Variants in PRMT8 observed in about 807,000 individuals in gnomAD.
PRMT8 encodes protein arginine N-methyltransferase 8.
In PRMT8, 7 loss-of-function variants were observed where a neutral mutation model predicts 47.1. The observed-to-expected ratio is 0.15, with a 90% CI of 0.08 to 0.28. PRMT8 has a LOEUF of 0.28. Ranked by LOEUF, PRMT8 falls within the 10% of genes least tolerant of loss-of-function variation. The pLI is 1.00. For missense variants in PRMT8, 237 were observed against 505.4 expected, an observed-to-expected ratio of 0.47 and a Z score of 5.09; for synonymous variants, 188 against 186.5, an observed-to-expected ratio of 1.01 and a Z score of -0.07.
intron 1 of PRMT8, among the ~76,000 whole-genome samples, chr12:3,398,496 C>G (rs1018985419): frequency 6.6e-6 from 1 of 152,202 alleles, no homozygotes; most frequent in African/African-American, 2.4e-5. Context: ...TTCACAGAAG[C>G]CTTTGGGGAT....
chr12:3,441,542 T>C (rs1466310328), intron 1 of PRMT8, among the ~76,000 whole-genome samples: 4 of 152,116 alleles, frequency 2.6e-5, no homozygotes, highest in Admixed American at 1.3e-4. Context: ...ACCCTGTGTC[T>C]CCCCAGTGCC....
chr12:3,587,036 T>A (rs1005317038), intron 8 of PRMT8, among the ~76,000 whole-genome samples: 2 of 152,196 alleles, frequency 1.3e-5, no homozygotes, highest in Non-Finnish European at 2.9e-5. Context: ...AGACCATCTA[T>A]ATTCTGACAA....
intron 1 of PRMT8, among the ~76,000 whole-genome samples, chr12:3,468,203 C>T (rs532284009): frequency 2.6e-5 from 4 of 152,116 alleles, no homozygotes; most frequent in East Asian, 3.8e-4. Context: ...GGCTGGATAT[C>T]GTGCGTAAGC....
At chr12:3,454,636 G>C (rs1243088460) in intron 1 of PRMT8, among the ~76,000 whole-genome samples, 4 of 152,080 alleles carry the variant, frequency 2.6e-5, no homozygotes. Context: ...AGCACTCCCA[G>C]TGAAACCACC....
At position 3,540,340 on chromosome 12, in the gene PRMT8, T is replaced by G. The variant is rs957731499; in HGVS notation, c.76-266T>G. Among the ~76,000 whole-genome samples the G allele has an allele frequency of 3.9e-5, 6 of 152,324 alleles. No individual in the cohort carries two copies. In the East Asian group the frequency reaches 1.2e-3, roughly 29 times the overall value. On this transcript the variant is annotated intron_variant, in intron 1 of 9. Coordinates refer to ENST00000382622, the MANE Select transcript of PRMT8 (RefSeq NM_019854.5). ...CAGATACAGAAACTGAGGCCTGCAT[T>G]GCTCAGGTCACCTAGCTAATAAGAG...
In PRMT8 at chr12:3,556,635, G is replaced by A. The variant is rs139437969; in HGVS notation, c.481+2921G>A. ...GATGGAATAGAAAAATGGAACAGTA[G>A]CTGTAAAGGAAGGTGGCATTAAGGG... On this transcript the variant is annotated intron_variant, in intron 4 of 9. Transcript: ENST00000382622. Among the ~76,000 whole-genome samples the A allele has an allele frequency of 2.0e-3, 312 of 152,216 alleles. 2 individuals are homozygous for A. Among genetic ancestry groups the A allele is most frequent in the African/African-American group, 7.1e-3 (296 of 41,518 alleles).
Position 3,570,258 on chromosome 12 carries a change from G to A in PRMT8, c.712+694G>A, listed in dbSNP as rs1866821719. ...GCAATGTTTTACCTGGTCTGAAAAG[G>A]GCTGTTATCCTATTTCTCGTAAAGG... On this transcript the variant is annotated intron_variant, in intron 6 of 9. Transcript: ENST00000382622. The surrounding 1 kb of genome is among the most constrained non-coding windows in gnomAD (Gnocchi z 5.5). 1.3e-5 allele frequency among the ~76,000 whole-genome samples: 2 copies of A among 152,102 alleles called. No homozygotes were observed. The highest frequency in any genetic ancestry group is 2.1e-4 in the South Asian group (1 of 4,824).
chr12:3,494,305 CCT>C (rs1193086744), intron 1 of PRMT8, among the ~76,000 whole-genome samples: 9 of 152,190 alleles, frequency 5.9e-5, no homozygotes, highest in Non-Finnish European at 8.8e-5. Context: ...GCCACCTTTT[CCT>C]GCTTTTTGTT....
chr12:3,521,159 T>G (rs1315415078), intron 1 of PRMT8, among the ~76,000 whole-genome samples: 1 of 152,262 alleles, frequency 6.6e-6, no homozygotes, highest in Non-Finnish European at 1.5e-5. Context: ...GGATGGGACA[T>G]GGGTGCTCCC....
intron 1 of PRMT8, among the ~76,000 whole-genome samples, chr12:3,397,675 C>T (rs1271274862): frequency 6.6e-6 from 1 of 152,028 alleles, no homozygotes; most frequent in East Asian, 1.9e-4. Flanking sequence ...TTTGTCTGTG[C>T]CCTGCCCCCA....
chr12:3,411,742 G>A (rs1864432995), intron 1 of PRMT8, among the ~76,000 whole-genome samples: 1 of 152,172 alleles, frequency 6.6e-6, no homozygotes. Context: ...CTTAATAAGA[G>A]GAGAAAGAGA....
Position 3,583,228 on chromosome 12 carries a change from C to T in PRMT8, c.979+20C>T, listed in dbSNP as rs747332294. 3 of 1,597,998 alleles carry T rather than the reference C, an allele frequency of 1.9e-6. No homozygotes were observed. The Admixed American group carries it at 5.2e-5, about 28-fold the overall frequency. On this transcript the variant is annotated intron_variant, in intron 8 of 9. Coordinates refer to ENST00000382622, the MANE Select transcript of PRMT8 (RefSeq NM_019854.5). This position sits in a 1 kb window ranked among gnomAD's most constrained non-coding sequence, Gnocchi z 4.7. ...CCACAGGTGAGCTGTTTGTTGCTTC[C>T]CAGAGCCTCCTCCCTCTCCCATGCT...
intron 1 of PRMT8, among the ~76,000 whole-genome samples, chr12:3,512,929 G>A (rs1865735153): frequency 6.6e-6 from 1 of 152,212 alleles, no homozygotes; most frequent in African/African-American, 2.4e-5. Context: ...TGAGCTGCTT[G>A]TGAATGAACC....
chr12:3,584,801 T>TG lies in PRMT8; in HGVS notation c.979+1594dup, dbSNP rs1441844522. On this transcript the variant is annotated intron_variant, in intron 8 of 9. Coordinates refer to ENST00000382622, the MANE Select transcript of PRMT8 (RefSeq NM_019854.5). ...AAGTTGTAAAAATAGTACACAGAGTTGTGTGAACCCTTTGCCCAGCTGCCC... is the reference window on the plus strand; with the variant it reads ...AAGTTGTAAAAATAGTACACAGAGTTGGTGTGAACCCTTTGCCCAGCTGCCC... Among the ~76,000 whole-genome samples the TG allele has an allele frequency of 1.5e-4, 23 of 152,336 alleles. No individual in the cohort carries two copies. The East Asian group carries it at 3.9e-3, about 26-fold the overall frequency.
intron 1 of PRMT8, among the ~76,000 whole-genome samples, chr12:3,390,664 A>G (rs1864184635): frequency 6.6e-6 from 1 of 152,198 alleles, no homozygotes; most frequent in East Asian, 1.9e-4. Flanking sequence ...TGACTGAATC[A>G]AGCAGTGTGA....
chr12:3,551,243 C>T (rs1486734945), intron 3 of PRMT8: 1 of 152,282 alleles, frequency 6.6e-6, no homozygotes, highest in Non-Finnish European at 1.5e-5. Flanking sequence ...CTTCTGGAAG[C>T]TTGGGCTGCC....
chr12:3,449,466 T>C (rs372845864), intron 1 of PRMT8, among the ~76,000 whole-genome samples: 86 of 152,356 alleles, frequency 5.6e-4, no homozygotes, highest in African/African-American at 1.9e-3. Flanking sequence ...GTGGTTTTGA[T>C]TTGCATTTCT....
intron 1 of PRMT8, among the ~76,000 whole-genome samples, chr12:3,439,650 T>A (rs968433768): frequency 1.3e-5 from 2 of 152,192 alleles, no homozygotes; most frequent in Non-Finnish European, 2.9e-5. Flanking sequence ...GAGTTCAATG[T>A]TATAACTTCC....
At position 3,492,909 on chromosome 12, in the gene PRMT8, G is replaced by A. The variant is rs1865445567; in HGVS notation, c.75+1209G>A. 6.6e-6 allele frequency among the ~76,000 whole-genome samples: 1 copy of A among 152,000 alleles called. No individual in the cohort carries two copies. On this transcript the variant is annotated intron_variant, in intron 1 of 9. Coordinates refer to ENST00000382622, the MANE Select transcript of PRMT8 (RefSeq NM_019854.5). The surrounding 1 kb of genome is among the most constrained non-coding windows in gnomAD (Gnocchi z 7.5). ...TATGGTTACCCATATGCAGCGGGGGGCGGGGATGGGGGTGTGGCGCGGGGA... is the reference window on the plus strand; with the variant it reads ...TATGGTTACCCATATGCAGCGGGGGACGGGGATGGGGGTGTGGCGCGGGGA...
Sources: allele counts gnomAD v4.1 joint callset (sites outside exome capture counted in the v4.1 genomes callset), GRCh38; gene constraint gnomAD v4.1.1; non-coding constraint Gnocchi (gnomAD v3.1); transcripts MANE v1.5; gene names NCBI Gene and HGNC (gene_info 2026-07-23, HGNC 2026-07-21).